The following RYR3 variants were observed in gnomAD, a reference collection of about 807,000 sequenced individuals.
RYR3 encodes brain ryanodine receptor-calcium release channel.
RYR3 carries 207 observed loss-of-function variants against 584.3 expected under a neutral mutation model. The ratio of observed to expected loss-of-function variants is 0.35; its 90% CI spans 0.32 to 0.40. The LOEUF (loss-of-function observed/expected upper bound fraction) is 0.40. Among genes scored for constraint, RYR3 ranks in the 10% least tolerant of loss-of-function variants. The pLI is 1.00. For missense variants in RYR3, 5,616 were observed against 6,089.2 expected (o/e 0.92, Z 2.59); for synonymous variants, 2,416 against 2,248.5 (o/e 1.07, Z -2.11).
intron 1 of RYR3, among the ~76,000 whole-genome samples, chr15:33,470,577 T>G (rs1276510237): frequency 6.6e-6 from 1 of 152,182 alleles, no homozygotes; most frequent in Non-Finnish European, 1.5e-5. Context: ...AAGTAAGGAA[T>G]GCGAAAGCAA....
In RYR3 at chr15:33,785,893, A is replaced by G. The variant is rs376544583; in HGVS notation, c.9500A>G (p.Glu3167Gly). 6 of 1,613,806 alleles carry G rather than the reference A, an allele frequency of 3.7e-6. No homozygotes were observed. The highest frequency in any genetic ancestry group is 1.3e-5 in the African/African-American group (1 of 74,904). Residue 3167 changes from glutamate (E) to glycine (G), a missense_variant, in exon 66 of 104, where the codon GAA becomes GGA. Physicochemically the swap from Glu to Gly is moderately conservative, Grantham distance 98. Around this residue, in one of 9 missense-constraint regions of RYR3, gnomAD observed 954 missense variants for 1,132.2 expected, o/e 0.84. Coordinates refer to ENST00000634891, the MANE Select transcript of RYR3 (RefSeq NM_001036.6). ...TGPCCTKVTS[E>G]HLSLILGNIL... ...CCATGCTGCACCAAGGTCACCTCTG[A>G]ACACCTCAGTCTCATCCTGGGCAAC... is the stretch of plus-strand genomic sequence containing the variant.
At chr15:33,683,328 T>C (rs190482336) in intron 38 of RYR3, among the ~76,000 whole-genome samples, 12 of 152,266 alleles carry the variant, frequency 7.9e-5, no homozygotes, top group South Asian at 2.1e-4. Context: ...TGAAGTATTT[T>C]GTAGTCACTA....
At chr15:33,387,388 A>AT (rs139563554) in intron 1 of RYR3, among the ~76,000 whole-genome samples, 1 of 152,040 alleles carries the variant, frequency 6.6e-6, no homozygotes, top group Non-Finnish European at 1.5e-5. Context: ...TCTATTTTTC[A>AT]TTTTTTTGGG....
chr15:33,333,439 A>G (rs1970604501), intron 1 of RYR3, among the ~76,000 whole-genome samples: 1 of 152,248 alleles, frequency 6.6e-6, no homozygotes, highest in Admixed American at 6.5e-5. Context: ...CACTAAAGAC[A>G]AAAACCACAT....
chr15:33,662,715 A>G lies in RYR3; in HGVS notation c.5185A>G (p.Ile1729Val). Residue 1729 changes from isoleucine to valine, a missense_variant, in exon 35 of 104, where the codon ATT becomes GTT. Coordinates refer to ENST00000634891, the MANE Select transcript of RYR3 (RefSeq NM_001036.6). ...CCAGTTTGTGCCTGTGCTGAAACTC[A>G]TTGGAACCCTGCTGGTCATGGGCGT... ...EFQFVPVLKL[I>V]GTLLVMGVFD... 1 of 1,614,146 alleles carries G rather than the reference A, an allele frequency of 6.2e-7. No homozygotes were observed. The highest frequency in any genetic ancestry group is 8.5e-7 in the Non-Finnish European group (1 of 1,180,022).
In RYR3 at chr15:33,743,213, C is replaced by A. The variant is rs891999147; in HGVS notation, c.7899+769C>A. Among the ~76,000 whole-genome samples, 17 of 152,170 alleles carry A rather than the reference C, an allele frequency of 1.1e-4. 1 individual carries two copies. The highest frequency in any genetic ancestry group is 2.9e-4 in the African/African-American group (12 of 41,446). ...GGGACACCTTGAACCACCAGCTCAG[C>A]CTCTGTGTGGATGTAGGCTCAGCTC... On this transcript the variant is annotated intron_variant, in intron 52 of 103. Coordinates refer to ENST00000634891, the MANE Select transcript of RYR3 (RefSeq NM_001036.6).
At chr15:33,729,388 A>G (rs1379581909) in intron 47 of RYR3, among the ~76,000 whole-genome samples, 1 of 152,108 alleles carries the variant, frequency 6.6e-6, no homozygotes, top group East Asian at 1.9e-4. Flanking sequence ...TCAATTTCAG[A>G]TATCACCAGA....
chr15:33,705,087 TGCACACA>T (rs2066593187), intron 42 of RYR3, among the ~76,000 whole-genome samples: 1 of 127,310 alleles, frequency 7.9e-6, no homozygotes, highest in Non-Finnish European at 1.6e-5. Flanking sequence ...CACACACACA[TGCACACA>T]CACTCTTTCT....
chr15:33,646,562 T>C (rs751327261), intron 29 of RYR3, 36 bp downstream of exon 29: 11 of 1,567,800 alleles, frequency 7.0e-6, no homozygotes, highest in Admixed American at 1.8e-5. Context: ...GAGGCACTCA[T>C]TGTATCTCCT....
At chr15:33,856,647 G>GT (rs60494844) in intron 98 of RYR3, 30 of 154,012 alleles carry the variant, frequency 1.9e-4, no homozygotes, top group Non-Finnish European at 3.4e-4. Context: ...GAACCTTTGG[G>GT]TTTTTTGTTT....
intron 3 of RYR3, among the ~76,000 whole-genome samples, chr15:33,508,737 A>G (rs922791851): frequency 1.3e-5 from 2 of 152,334 alleles, no homozygotes; most frequent in African/African-American, 4.8e-5. Context: ...AGACATCCTC[A>G]CTGAGAAGTT....
At chr15:33,466,505 G>C (rs1371761744) in intron 1 of RYR3, among the ~76,000 whole-genome samples, 1 of 152,132 alleles carries the variant, frequency 6.6e-6, no homozygotes, top group African/African-American at 2.4e-5. Flanking sequence ...GTACTAAAGG[G>C]ATAATAAAAC....
intron 16 of RYR3, among the ~76,000 whole-genome samples, chr15:33,599,055 C>A (rs1354808459): frequency 3.4e-5 from 5 of 148,828 alleles, no homozygotes; most frequent in African/African-American, 4.9e-5. Context: ...ACTCCGTCTC[C>A]AAAAAAAAAA....
At chr15:33,461,171 C>T (rs1036522936) in intron 1 of RYR3, among the ~76,000 whole-genome samples, 1 of 151,888 alleles carries the variant, frequency 6.6e-6, no homozygotes, top group Non-Finnish European at 1.5e-5. Flanking sequence ...GTCTTGATCT[C>T]CTGACCTCGT....
intron 1 of RYR3, among the ~76,000 whole-genome samples, chr15:33,370,100 C>A (rs886643413): frequency 2.6e-5 from 4 of 152,078 alleles, no homozygotes; most frequent in African/African-American, 9.7e-5. Context: ...ATCTTTTTCC[C>A]CCTGTAGGAG....
chr15:33,611,781 C>G (rs28733013), intron 18 of RYR3, among the ~76,000 whole-genome samples: 29,683 of 151,710 alleles, frequency 0.2, 2,999 homozygotes, highest in Admixed American at 0.27. Flanking sequence ...ACCTCAGCCC[C>G]CTAAGTAGCT....
intron 1 of RYR3, among the ~76,000 whole-genome samples, chr15:33,432,134 A>G (rs148027785): frequency 2.0e-5 from 3 of 152,326 alleles, no homozygotes; most frequent in African/African-American, 7.2e-5. Context: ...ATGAAAATAA[A>G]TATGTGTTCC....
intron 1 of RYR3, among the ~76,000 whole-genome samples, chr15:33,396,713 C>T (rs2042321228): frequency 6.6e-6 from 1 of 152,134 alleles, no homozygotes; most frequent in Admixed American, 6.5e-5. Context: ...GGCTGGTGAC[C>T]CATCTGCAGA....
At chr15:33,714,105 G>T (rs750662961) in intron 43 of RYR3, among the ~76,000 whole-genome samples, 6 of 152,078 alleles carry the variant, frequency 3.9e-5, no homozygotes, top group Non-Finnish European at 8.8e-5. Context: ...GCCAGAAATT[G>T]AATCAAGCAG....
Sources: allele counts gnomAD v4.1 joint callset (sites outside exome capture counted in the v4.1 genomes callset), GRCh38; gene constraint gnomAD v4.1.1; regional missense constraint gnomAD v4.1.1; transcripts MANE v1.5; gene names NCBI Gene and HGNC (gene_info 2026-07-23, HGNC 2026-07-21).